Variants in AIMP1 observed in about 807,000 individuals in gnomAD.
AIMP1 encodes the protein aminoacyl tRNA synthetase complex interacting multifunctional protein 1.
Under a neutral mutation model 33.1 loss-of-function variants are expected in AIMP1, and 24 were observed. The ratio of observed to expected loss-of-function variants is 0.73; its 90% confidence interval spans 0.53 to 1.02. AIMP1 has a LOEUF of 1.02. AIMP1 is among the 50% of genes least tolerant of loss of function. The pLI, the probability that AIMP1 is intolerant of heterozygous loss-of-function variation, is 0.00. For missense variants in AIMP1, 367 were observed against 364.8 expected (o/e 1.01, Z -0.05); for synonymous variants, 120 against 121.5 (o/e 0.99, Z 0.08).
intron 5 of AIMP1, among the ~76,000 whole-genome samples, chr4:106,332,707 T>C (rs1769729558): frequency 6.6e-6 from 1 of 150,648 alleles, no homozygotes; most frequent in Non-Finnish European, 1.5e-5. Flanking sequence ...TATATAGATA[T>C]ATATATATAT....
chr4:106,332,277 TC>T (rs1769711451), intron 5 of AIMP1, among the ~76,000 whole-genome samples: 1 of 151,984 alleles, frequency 6.6e-6, no homozygotes, highest in Non-Finnish European at 1.5e-5. Flanking sequence ...AATTACAAGT[TC>T]AATCTCCGTG....
intron 6 of AIMP1, 67 bp downstream of exon 6, chr4:106,337,104 T>G (rs1769914268): frequency 2.2e-6 from 3 of 1,389,312 alleles, no homozygotes; most frequent in South Asian, 2.3e-5. Context: ...TTGTAATGCT[T>G]AAAGGTTAAA....
chr4:106,331,915 A>G, intron 5 of AIMP1, 32 bp downstream of exon 5: 2 of 1,563,148 alleles, frequency 1.3e-6, no homozygotes, highest in Non-Finnish European at 1.8e-6. Flanking sequence ...CCTGTTGTGT[A>G]CATACAACAT....
rs1397926878 is a variant in AIMP1 at position 106,327,577 on chromosome 4, A to G, written c.223+13A>G. On this transcript the variant is annotated intron_variant, in intron 3 of 6. Transcript: ENST00000672341. ...ATTCAAAATGGAGGTAATTAAATATAGAAAATTTGAGTAATCCAGAAGTTA... is the reference window on the plus strand; with the variant it reads ...ATTCAAAATGGAGGTAATTAAATATGGAAAATTTGAGTAATCCAGAAGTTA... 2 of 1,578,732 alleles carry G rather than the reference A, an allele frequency of 1.3e-6. No homozygotes were observed. The highest frequency in any genetic ancestry group is 1.7e-6 in the Non-Finnish European group (2 of 1,149,996).
intron 4 of AIMP1, among the ~76,000 whole-genome samples, chr4:106,330,191 C>T (rs1769621292): frequency 6.6e-6 from 1 of 152,112 alleles, no homozygotes; most frequent in Admixed American, 6.6e-5. Context: ...TATTTGCAAT[C>T]ATTTCTAGAA....
At chr4:106,329,170 G>A (rs1769570657) in intron 4 of AIMP1, among the ~76,000 whole-genome samples, 1 of 151,908 alleles carries the variant, frequency 6.6e-6, no homozygotes, top group Non-Finnish European at 1.5e-5. Flanking sequence ...GTTAAAAGTA[G>A]GTAGGGGCTG....
At chr4:106,319,005 T>G (rs1769094031) in intron 1 of AIMP1, among the ~76,000 whole-genome samples, 1 of 152,172 alleles carries the variant, frequency 6.6e-6, no homozygotes, top group Non-Finnish European at 1.5e-5. Context: ...ATTTTACAAT[T>G]GATGGCATTT....
Position 106,324,996 on chromosome 4 carries a change from G to C in AIMP1, c.-14G>C, listed in dbSNP as rs546736092. On this transcript the variant is annotated 5_prime_UTR_variant, in exon 2 of 7. Coordinates refer to ENST00000672341, the MANE Select transcript of AIMP1 (RefSeq NM_001142416.2). ...TATTTTTCCTATAGGATTTTCTGCCGTCTCTTGGCAAAAATGGCAAATAAT... is the reference window on the plus strand; with the variant it reads ...TATTTTTCCTATAGGATTTTCTGCCCTCTCTTGGCAAAAATGGCAAATAAT... The C allele has an allele frequency of 6.3e-7, 1 of 1,594,728 alleles. No homozygotes were observed. Among genetic ancestry groups the C allele is most frequent in the African/African-American group, 1.3e-5 (1 of 74,268 alleles).
Position 106,325,051 on chromosome 4 carries a change from G to A in AIMP1, c.42G>A (p.Lys14=), listed in dbSNP as rs749641416. The A allele has an allele frequency of 3.1e-6, 5 of 1,612,924 alleles. No individual in the cohort carries two copies. In the East Asian group the frequency reaches 8.9e-5, roughly 29 times the overall value. Residue 14 remains lysine (K), a synonymous_variant, in exon 2 of 7, where the codon AAG becomes AAA. Coordinates refer to ENST00000672341, the MANE Select transcript of AIMP1 (RefSeq NM_001142416.2). The part of the protein sequence containing the change: ...NDAVLKRLEQ[K]GAEADQIIEY... Reference sequence around the variant, plus strand: ...CTGTTCTGAAGAGACTGGAGCAGAAGGGTGCAGAGGCAGATCAAATCATTG... The same window carrying A: ...CTGTTCTGAAGAGACTGGAGCAGAAAGGTGCAGAGGCAGATCAAATCATTG...
At position 106,325,253 on chromosome 4, in the gene AIMP1, C is replaced by CATT; in HGVS notation, c.109+135_109+136insATT. ...CTGTTATATGTAGAAAAATATCAAACCTGAATTTCTACCTTCAGGACTTCA... is the reference window on the plus strand; with the variant it reads ...CTGTTATATGTAGAAAAATATCAAACATTCTGAATTTCTACCTTCAGGACTTCA... On this transcript the variant is annotated intron_variant, in intron 2 of 6. Coordinates refer to ENST00000672341, the MANE Select transcript of AIMP1 (RefSeq NM_001142416.2). The CATT allele has an allele frequency of 3.6e-6, 3 of 822,436 alleles. No individual in the cohort carries two copies. The South Asian group carries it at 6.1e-5, about 17-fold the overall frequency. The allele number at this position is 822,436 out of a possible 1,614,324, so 50.9% of individuals were successfully genotyped here.
intron 1 of AIMP1, among the ~76,000 whole-genome samples, chr4:106,317,695 T>C (rs764319466): frequency 2.0e-5 from 3 of 152,180 alleles, no homozygotes; most frequent in Non-Finnish European, 4.4e-5. Context: ...TGAATTCCAG[T>C]GTGAGTTTCA....
intron 2 of AIMP1, among the ~76,000 whole-genome samples, chr4:106,326,820 G>A (rs1323158245): frequency 6.6e-6 from 1 of 151,670 alleles, no homozygotes; most frequent in Admixed American, 6.6e-5. Context: ...CTGTTACCCA[G>A]GCTGGAATAC....
At chr4:106,328,847 C>G (rs1319535432) in intron 4 of AIMP1, among the ~76,000 whole-genome samples, 1 of 152,100 alleles carries the variant, frequency 6.6e-6, no homozygotes, top group African/African-American at 2.4e-5. Flanking sequence ...TTCATTAGGT[C>G]CTACCTCAGT....
chr4:106,331,611 T>C (rs1242404278), intron 4 of AIMP1, 61 bp from the exon 5 acceptor site: 8 of 1,468,504 alleles, frequency 5.4e-6, no homozygotes, highest in Admixed American at 1.7e-5. Flanking sequence ...CATGGAGTTT[T>C]CATAGTGTTT....
chr4:106,318,643 G>A (rs987793554), intron 1 of AIMP1, among the ~76,000 whole-genome samples: 2 of 152,072 alleles, frequency 1.3e-5, no homozygotes, highest in African/African-American at 4.8e-5. Flanking sequence ...AGATGAATTG[G>A]CAGTTGTGAG....
rs191801237 is a variant in AIMP1, at chr4:106,323,703, A to G, written c.-25-1282A>G. Reference sequence around the variant, plus strand: ...CTTTTTATTTTAGTCTAACATAAGTAATGATGAAATATACTCAATAGGTAA... The same window carrying G: ...CTTTTTATTTTAGTCTAACATAAGTGATGATGAAATATACTCAATAGGTAA... On this transcript the variant is annotated intron_variant, in intron 1 of 6. Coordinates refer to ENST00000672341, the MANE Select transcript of AIMP1 (RefSeq NM_001142416.2). Among the ~76,000 whole-genome samples, 89 of 152,186 alleles carry G rather than the reference A, an allele frequency of 5.8e-4. 3 individuals are homozygous for G. Among genetic ancestry groups the G allele is most frequent in the Admixed American group, 1.7e-3 (26 of 15,286 alleles).
intron 6 of AIMP1, among the ~76,000 whole-genome samples, chr4:106,345,442 G>A (rs1371541110): frequency 6.6e-6 from 1 of 152,062 alleles, no homozygotes; most frequent in African/African-American, 2.4e-5. Flanking sequence ...ATTAAGGAAT[G>A]ATTTACAAAC....
At chr4:106,342,728 T>C (rs1770144084) in intron 6 of AIMP1, among the ~76,000 whole-genome samples, 1 of 152,194 alleles carries the variant, frequency 6.6e-6, no homozygotes, top group Non-Finnish European at 1.5e-5. Context: ...ATCAGAGATA[T>C]TGGCCTAAAG....
rs191123945 is a variant in AIMP1 at position 106,343,691 on chromosome 4, T to C, written c.773-3835T>C. ...AATGGCTTTAGATTCATGGAGCATATGCTCACCACTCTACTCCCACCAAGC... is the reference window on the plus strand; with the variant it reads ...AATGGCTTTAGATTCATGGAGCATACGCTCACCACTCTACTCCCACCAAGC... On this transcript the variant is annotated intron_variant, in intron 6 of 6. Coordinates refer to ENST00000672341, the MANE Select transcript of AIMP1 (RefSeq NM_001142416.2). Among the ~76,000 whole-genome samples the C allele has an allele frequency of 5.6e-4, 86 of 152,288 alleles. 1 individual carries two copies. The highest frequency in any genetic ancestry group is 1.9e-3 in the African/African-American group (81 of 41,576).
Sources: allele counts gnomAD v4.1 joint callset (sites outside exome capture counted in the v4.1 genomes callset), GRCh38; gene constraint gnomAD v4.1.1; transcripts MANE v1.5; gene names NCBI Gene and HGNC (gene_info 2026-07-23, HGNC 2026-07-21).